Variants in TMEM131L observed in about 807,000 individuals in gnomAD.
The protein encoded by TMEM131L is transmembrane protein 131-like.
Under a neutral mutation model 192.2 loss-of-function variants are expected in TMEM131L, and 54 were observed. The observed-to-expected ratio is 0.28, with a 90% CI of 0.23 to 0.35. TMEM131L has a LOEUF of 0.35. Ranked by LOEUF, TMEM131L falls within the 10% of genes least tolerant of loss-of-function variation. The pLI is 1.00. For missense variants in TMEM131L, 1,888 were observed against 1,972.9 expected (o/e 0.96, Z 0.82); for synonymous variants, 701 against 704.9 (o/e 0.99, Z 0.09).
intron 3 of TMEM131L, among the ~76,000 whole-genome samples, chr4:153,477,696 A>G (rs1291522413): frequency 6.6e-6 from 1 of 152,126 alleles, no homozygotes; most frequent in African/African-American, 2.4e-5. Flanking sequence ...TTTTATTTAT[A>G]AAAATGAATT....
intron 11 of TMEM131L, among the ~76,000 whole-genome samples, chr4:153,584,165 G>A (rs957963697): frequency 6.6e-6 from 1 of 152,160 alleles, no homozygotes; most frequent in Non-Finnish European, 1.5e-5. Flanking sequence ...AAACATGCAT[G>A]GACAGCGATG....
intron 3 of TMEM131L, among the ~76,000 whole-genome samples, chr4:153,538,562 T>G (rs190456966): frequency 6.4e-4 from 97 of 152,294 alleles, no homozygotes; most frequent in African/African-American, 2.1e-3. Context: ...GCTTTCTGGT[T>G]TATTGGGATG....
chr4:153,509,788 T>C lies in TMEM131L; in HGVS notation c.239+35900T>C, dbSNP rs543931192. ...TGATTCTTAACCCTGACCCACACTTTAGAATCCCTGGGGAGTTCTTTAAAA... is the reference window on the plus strand; with the variant it reads ...TGATTCTTAACCCTGACCCACACTTCAGAATCCCTGGGGAGTTCTTTAAAA... On this transcript the variant is annotated intron_variant, in intron 3 of 34. Transcript: ENST00000409959. Among the ~76,000 whole-genome samples, 3 of 152,334 alleles carry C rather than the reference T, an allele frequency of 2.0e-5. No homozygotes were observed. In the South Asian group the frequency reaches 6.2e-4, roughly 32 times the overall value.
intron 7 of TMEM131L, among the ~76,000 whole-genome samples, chr4:153,564,406 A>T (rs1729061835): frequency 6.6e-6 from 1 of 151,916 alleles, no homozygotes. Flanking sequence ...CCTCACTAGA[A>T]TCTCTTGGTA....
At chr4:153,634,461 A>G (rs186122194) in intron 33 of TMEM131L, 181 bp downstream of exon 33, 32 of 533,284 alleles carry the variant, frequency 6.0e-5, no homozygotes, top group Admixed American at 5.3e-4. Flanking sequence ...ATAATTTTAT[A>G]TGACCCTCAA....
intron 2 of TMEM131L, among the ~76,000 whole-genome samples, chr4:153,472,641 G>A (rs987614350): frequency 6.6e-6 from 1 of 152,188 alleles, no homozygotes; most frequent in South Asian, 2.1e-4. Context: ...TAGTCTGTTC[G>A]AAGGGCATAC....
chr4:153,514,843 C>T lies in TMEM131L; in HGVS notation c.240-35230C>T, dbSNP rs188416645. On this transcript the variant is annotated intron_variant, in intron 3 of 34. Coordinates refer to ENST00000409959, the MANE Select transcript of TMEM131L (RefSeq NM_001131007.2). Reference sequence around the variant, plus strand: ...TTCTTTTTTTTTTGAGATGGAGTCTCGCTCTGTCCCCCAGGCTGGAGTGTG... The same window carrying T: ...TTCTTTTTTTTTTGAGATGGAGTCTTGCTCTGTCCCCCAGGCTGGAGTGTG... Among the ~76,000 whole-genome samples the T allele has an allele frequency of 9.2e-3, 1,401 of 151,754 alleles. 13 individuals carry two copies. Among genetic ancestry groups the T allele is most frequent in the Non-Finnish European group, 0.016 (1,117 of 67,924 alleles).
At chr4:153,617,736 T>G (rs1733091117) in intron 26 of TMEM131L, among the ~76,000 whole-genome samples, 2 of 152,344 alleles carry the variant, frequency 1.3e-5, no homozygotes, top group African/African-American at 4.8e-5. Flanking sequence ...TTCCTAGTGC[T>G]TATGCATCAT....
intron 3 of TMEM131L, among the ~76,000 whole-genome samples, chr4:153,546,406 G>A (rs1737179217): frequency 6.6e-6 from 1 of 152,154 alleles, no homozygotes; most frequent in Non-Finnish European, 1.5e-5. Flanking sequence ...GGTGAAATAT[G>A]AGAAGGGTGA....
chr4:153,569,657 G>GT (rs1729451286), intron 7 of TMEM131L, among the ~76,000 whole-genome samples: 1 of 152,218 alleles, frequency 6.6e-6, no homozygotes, highest in African/African-American at 2.4e-5. Context: ...TTGGTTCTGA[G>GT]TGACTGTAGC....
At chr4:153,586,525 G>A in intron 14 of TMEM131L, 146 bp downstream of exon 14, 1 of 505,272 alleles carries the variant, frequency 2.0e-6, no homozygotes, top group South Asian at 4.1e-5. Flanking sequence ...GGCCAGTCTT[G>A]GATGATAAAT....
At chr4:153,474,738 T>C (rs1731407140) in intron 3 of TMEM131L, among the ~76,000 whole-genome samples, 1 of 152,184 alleles carries the variant, frequency 6.6e-6, no homozygotes, top group African/African-American at 2.4e-5. Flanking sequence ...GTATTTTTAG[T>C]AGAGACAGGG....
chr4:153,617,558 A>G (rs1300394893), intron 26 of TMEM131L, among the ~76,000 whole-genome samples: 1 of 152,144 alleles, frequency 6.6e-6, no homozygotes, highest in East Asian at 1.9e-4. Flanking sequence ...AAAGGTGAGC[A>G]TTTTCCTTCA....
chr4:153,577,186 G>C (rs908562601), intron 7 of TMEM131L, among the ~76,000 whole-genome samples: 1 of 152,130 alleles, frequency 6.6e-6, no homozygotes, highest in Non-Finnish European at 1.5e-5. Context: ...GAGCAGAAAC[G>C]AGACCAGTGA....
intron 3 of TMEM131L, among the ~76,000 whole-genome samples, chr4:153,493,345 C>CAAAAAAAAAA (rs35052272): frequency 2.1e-4 from 15 of 72,862 alleles, no homozygotes; most frequent in African/African-American, 8.6e-4. Flanking sequence ...GACTCTGTCT[C>CAAAAAAAAAA]AAAAAAAAAA....
rs141721374 is a variant in TMEM131L at position 153,537,274 on chromosome 4, G to C, written c.240-12799G>C. On this transcript the variant is annotated intron_variant, in intron 3 of 34. Transcript: ENST00000409959. ...ACCTTTGTAGATTGTTCCTGATTGG[G>C]ACCCAGTGAACCTGTTACAGGAAAG... Among the ~76,000 whole-genome samples, 469 of 152,240 alleles carry C rather than the reference G, an allele frequency of 3.1e-3. 1 individual carries two copies. The East Asian group carries it at 0.033, about 11-fold the overall frequency.
chr4:153,620,869 T>G lies in TMEM131L; in HGVS notation c.3681T>G (p.Ala1227=). The G allele has an allele frequency of 6.3e-7, 1 of 1,594,876 alleles. No homozygotes were observed. The highest frequency in any genetic ancestry group is 1.2e-5 in the South Asian group (1 of 86,690). Residue 1227 remains alanine (A), a synonymous_variant, in exon 27 of 35, where the codon GCT becomes GCG. Transcript: ENST00000409959. ...TCRKNKKRGV[A]PVSRPPEQSD... ...GAAAGAACAAGAAAAGGGGTGTTGC[T>G]CCAGTCTCAAGGTGCGTAATTCTTA...
chr4:153,511,885 A>G lies in TMEM131L; in HGVS notation c.239+37997A>G, dbSNP rs565969299. Among the ~76,000 whole-genome samples, 64 of 152,312 alleles carry G rather than the reference A, an allele frequency of 4.2e-4. 1 individual carries two copies. Among genetic ancestry groups the G allele is most frequent in the African/African-American group, 1.5e-3 (61 of 41,574 alleles). The stretch of plus-strand genomic sequence containing the variant: ...ATAACTTTATAGTTTCTTTTGAGCA[A>G]TTTTGCCTTTAAAATTGTATTTAAC... On this transcript the variant is annotated intron_variant, in intron 3 of 34. Coordinates refer to ENST00000409959, the MANE Select transcript of TMEM131L (RefSeq NM_001131007.2).
chr4:153,577,415 C>T (rs917783830), intron 7 of TMEM131L, among the ~76,000 whole-genome samples: 2 of 152,112 alleles, frequency 1.3e-5, no homozygotes, highest in Non-Finnish European at 2.9e-5. Flanking sequence ...GAGGAAGTTA[C>T]TGCACCATCA....
Sources: gnomAD v4.1 joint callset for allele counts (sites outside exome capture counted in the v4.1 genomes callset) on GRCh38, gnomAD v4.1.1 for gene constraint, MANE v1.5 for transcripts, NCBI Gene and HGNC (gene_info 2026-07-23, HGNC 2026-07-21) for gene names.